PHACTR2: variants seen among roughly 807,000 people sequenced by gnomAD.
The protein encoded by PHACTR2 is chromosome 6 open reading frame 56.
In PHACTR2, 30 loss-of-function variants were observed where a neutral mutation model predicts 76.0. The ratio of observed to expected loss-of-function variants is 0.39; its 90% CI spans 0.30 to 0.54. PHACTR2 has a LOEUF of 0.54. Among genes scored for constraint, PHACTR2 ranks in the 20% least tolerant of loss-of-function variants. The pLI, the probability that PHACTR2 is intolerant of heterozygous loss-of-function variation, is 0.61. For missense variants in PHACTR2, 696 were observed against 781.1 expected, an observed-to-expected ratio of 0.89 and a Z score of 1.30; for synonymous variants, 292 against 292.5, an observed-to-expected ratio of 1.00 and a Z score of 0.02.
chr6:143,776,549 T>C lies in PHACTR2; in HGVS notation c.1590-779T>C, dbSNP rs1192182971. ...TCCGTAGTCAGGTACCTAGCTAACATCCAGGCCGATCTGTTGCTAGAAGGA... is the reference window on the plus strand; with the variant it reads ...TCCGTAGTCAGGTACCTAGCTAACACCCAGGCCGATCTGTTGCTAGAAGGA... On this transcript the variant is annotated intron_variant, in intron 8 of 12. Transcript: ENST00000440869. This position sits in a 1 kb window ranked among gnomAD's most constrained non-coding sequence, Gnocchi z 5.3. Among the ~76,000 whole-genome samples, 7 of 152,264 alleles carry C rather than the reference T, an allele frequency of 4.6e-5. No individual in the cohort carries two copies. The highest frequency in any genetic ancestry group is 1.7e-4 in the African/African-American group (7 of 41,548).
At position 143,791,737 on chromosome 6, in the gene PHACTR2, T is replaced by C. The variant is rs966551109; in HGVS notation, c.1845+2827T>C. Among the ~76,000 whole-genome samples, 4 of 152,166 alleles carry C rather than the reference T, an allele frequency of 2.6e-5. No individual in the cohort carries two copies. Among genetic ancestry groups the C allele is most frequent in the African/African-American group, 4.8e-5 (2 of 41,426 alleles). ...TTATAATTCTGTTAATTTTGCTTCA[T>C]TTATTGTGAGGTGTATCATTAGATA... On this transcript the variant is annotated intron_variant, in intron 11 of 12. Transcript: ENST00000440869. The surrounding 1 kb of genome is among the most constrained non-coding windows in gnomAD (Gnocchi z 4.7).
rs1776404026 is a variant in PHACTR2, at chr6:143,633,766, G to A, written c.13+25444G>A. Among the ~76,000 whole-genome samples, 1 of 152,068 alleles carries A rather than the reference G, an allele frequency of 6.6e-6. No homozygotes were observed. The highest frequency in any genetic ancestry group is 2.4e-5 in the African/African-American group (1 of 41,404). ...TCCTACGTTATCTTCTGGGAATTCT[G>A]TAGTTTTGTACTTTATATTTAGATC... On this transcript the variant is annotated intron_variant, in intron 1 of 11. Coordinates refer to the PHACTR2 transcript ENST00000305766. This position sits in a 1 kb window ranked among gnomAD's most constrained non-coding sequence, Gnocchi z 4.1.
chr6:143,790,307 G>C (rs1775652602), intron 11 of PHACTR2, among the ~76,000 whole-genome samples: 1 of 152,092 alleles, frequency 6.6e-6, no homozygotes, highest in African/African-American at 2.4e-5. Flanking sequence ...TTTTTATGTG[G>C]TGAAGGGGTC....
intron 4 of PHACTR2, among the ~76,000 whole-genome samples, chr6:143,759,679 CAAA>C (rs796561358): frequency 1.5e-5 from 1 of 68,252 alleles, no homozygotes; most frequent in Non-Finnish European, 3.3e-5. Flanking sequence ...CACACACATA[CAAA>C]AAAAAAAAAA....
chr6:143,590,976 G>A (rs1168412905), intron 1 of PHACTR2, among the ~76,000 whole-genome samples: 2 of 152,126 alleles, frequency 1.3e-5, no homozygotes, highest in Admixed American at 1.3e-4. Flanking sequence ...CCACTACCAT[G>A]AAAACTCGAC....
rs1393744326 is a variant in PHACTR2 at position 143,809,590 on chromosome 6, T to A, written c.1922+2457T>A. 3.9e-5 allele frequency among the ~76,000 whole-genome samples: 6 copies of A among 152,260 alleles called. No individual in the cohort carries two copies. In the East Asian group the frequency reaches 7.7e-4, roughly 20 times the overall value. On this transcript the variant is annotated intron_variant, in intron 12 of 12. Coordinates refer to ENST00000440869, the MANE Select transcript of PHACTR2 (RefSeq NM_001100164.2). This position sits in a 1 kb window ranked among gnomAD's most constrained non-coding sequence, Gnocchi z 4.2. ...TCAAGCAATACAAAATTCTATTAAGTATAAATGAAAAACCTTCACTCCTTT... is the reference window on the plus strand; with the variant it reads ...TCAAGCAATACAAAATTCTATTAAGAATAAATGAAAAACCTTCACTCCTTT...
rs988287956 is a variant in PHACTR2, at chr6:143,642,972, G to T, written c.13+34650G>T. On this transcript the variant is annotated intron_variant, in intron 1 of 11. Coordinates refer to the PHACTR2 transcript ENST00000305766. ...TAGTTTGGCTATTCCCTATTAATTT[G>T]CTTGGAAGTTGTTCATGAGTACTAA... 6.6e-5 allele frequency among the ~76,000 whole-genome samples: 10 copies of T among 152,094 alleles called. No homozygotes were observed. In the East Asian group the frequency reaches 1.9e-3, roughly 29 times the overall value.
chr6:143,604,697 C>G (rs1389443460), upstream of PHACTR2, among the ~76,000 whole-genome samples: 1 of 152,018 alleles, frequency 6.6e-6, no homozygotes, highest in African/African-American at 2.4e-5. Flanking sequence ...GCCTGATCAA[C>G]ATGGTGAAAC....
rs1344694575 is a variant in PHACTR2 at position 143,698,879 on chromosome 6, T to G, written c.47-13137T>G. 6.6e-6 allele frequency among the ~76,000 whole-genome samples: 1 copy of G among 152,206 alleles called. No individual in the cohort carries two copies. The highest frequency in any genetic ancestry group is 2.1e-4 in the South Asian group (1 of 4,830). On this transcript the variant is annotated intron_variant, in intron 1 of 12. Transcript: ENST00000440869. The surrounding 1 kb of genome is among the most constrained non-coding windows in gnomAD (Gnocchi z 4.3). ...CAGCCTCATTATTTTTGCAGATATCTCCTTCCTCCTCTCCCTTGGATTGTC... is the reference window on the plus strand; with the variant it reads ...CAGCCTCATTATTTTTGCAGATATCGCCTTCCTCCTCTCCCTTGGATTGTC...
intron 1 of PHACTR2, among the ~76,000 whole-genome samples, chr6:143,560,568 G>C (rs926537247): frequency 6.6e-6 from 1 of 152,210 alleles, no homozygotes; most frequent in African/African-American, 2.4e-5. Context: ...TAGTTGCTGT[G>C]TCTGGGTGCT....
intron 1 of PHACTR2, among the ~76,000 whole-genome samples, chr6:143,655,008 T>G (rs1776824056): frequency 6.6e-6 from 1 of 151,664 alleles, no homozygotes; most frequent in South Asian, 2.1e-4. Flanking sequence ...AAATAAAAAA[T>G]TAGCCGGGTG....
rs1357322774 is a variant in PHACTR2, at chr6:143,809,897, A to G, written c.1922+2764A>G. On this transcript the variant is annotated intron_variant, in intron 12 of 12. Coordinates refer to ENST00000440869, the MANE Select transcript of PHACTR2 (RefSeq NM_001100164.2). The surrounding 1 kb of genome is among the most constrained non-coding windows in gnomAD (Gnocchi z 4.2). ...GAGGCCGAGGTGGGCAGATCTTTTG[A>G]GCTCAGGAGTTCGAGACCAGCCTGG... is the stretch of plus-strand genomic sequence containing the variant. Among the ~76,000 whole-genome samples the G allele has an allele frequency of 1.3e-5, 2 of 152,022 alleles. No individual in the cohort carries two copies. The highest frequency in any genetic ancestry group is 2.9e-5 in the Non-Finnish European group (2 of 68,014).
chr6:143,585,345 A>C lies in PHACTR2; in HGVS notation c.217+48138A>C, dbSNP rs912686559. 1.3e-5 allele frequency among the ~76,000 whole-genome samples: 2 copies of C among 152,236 alleles called. No homozygotes were observed. Among genetic ancestry groups the C allele is most frequent in the African/African-American group, 2.4e-5 (1 of 41,470 alleles). On this transcript the variant is annotated intron_variant, in intron 1 of 11. Transcript: ENST00000367584. The surrounding 1 kb of genome is among the most constrained non-coding windows in gnomAD (Gnocchi z 5.2). Reference sequence around the variant, plus strand: ...TTCCAGCTACCAGGAAGAGGCTGGAAGCAGAATTCCAGTCTTCAGGGAAAG... The same window carrying C: ...TTCCAGCTACCAGGAAGAGGCTGGACGCAGAATTCCAGTCTTCAGGGAAAG...
At chr6:143,717,595 G>T (rs1778332435) in intron 2 of PHACTR2, among the ~76,000 whole-genome samples, 1 of 151,636 alleles carries the variant, frequency 6.6e-6, no homozygotes, top group African/African-American at 2.4e-5. Context: ...TGGGGGAAGG[G>T]GGTCTCATTC....
At chr6:143,721,389 A>G (rs974847025) in intron 2 of PHACTR2, among the ~76,000 whole-genome samples, 4 of 152,200 alleles carry the variant, frequency 2.6e-5, no homozygotes, top group Non-Finnish European at 2.9e-5. Flanking sequence ...GCCAAACACT[A>G]TTTATTGTTA....
chr6:143,705,150 G>T (rs1189233119), intron 1 of PHACTR2, among the ~76,000 whole-genome samples: 3 of 151,268 alleles, frequency 2.0e-5, no homozygotes, highest in Non-Finnish European at 4.4e-5. Flanking sequence ...GACAAGTCTC[G>T]CTCTGTAGCC....
chr6:143,667,774 G>C lies in PHACTR2; in HGVS notation c.14-44242G>C, dbSNP rs191499261. Among the ~76,000 whole-genome samples, 235 of 152,258 alleles carry C rather than the reference G, an allele frequency of 1.5e-3. 3 individuals are homozygous for C. The East Asian group carries it at 0.024, about 15-fold the overall frequency. ...TGCTTATCAGCTTAAGGAGATTTTG[G>C]GCTGAGACGATGGAGTTTTCTAAAT... is the stretch of plus-strand genomic sequence containing the variant. On this transcript the variant is annotated intron_variant, in intron 1 of 11. Coordinates refer to the PHACTR2 transcript ENST00000305766.
rs1454618393 is a variant in PHACTR2 at position 143,641,321 on chromosome 6, C to T, written c.13+32999C>T. ...CCATAGCAGCATGTGAAGATGGAGG[C>T]AGAGATTGGAATGGTATAGCCATAA... On this transcript the variant is annotated intron_variant, in intron 1 of 11. Coordinates refer to the PHACTR2 transcript ENST00000305766. This position sits in a 1 kb window ranked among gnomAD's most constrained non-coding sequence, Gnocchi z 5.8. Among the ~76,000 whole-genome samples the T allele has an allele frequency of 6.6e-6, 1 of 152,064 alleles. No homozygotes were observed. Among genetic ancestry groups the T allele is most frequent in the Non-Finnish European group, 1.5e-5 (1 of 68,018 alleles).
Position 143,641,706 on chromosome 6 carries a change from A to G in PHACTR2, c.13+33384A>G, listed in dbSNP as rs2096180. Among the ~76,000 whole-genome samples the G allele has an allele frequency of 1.3e-5, 2 of 151,814 alleles. No homozygotes were observed. The highest frequency in any genetic ancestry group is 2.1e-4 in the South Asian group (1 of 4,808). ...TTTTGAATAGAGACGGGGTTTCTCCATGTTGGTCAGGCTGGTCTTGAACTC... is the reference window on the plus strand; with the variant it reads ...TTTTGAATAGAGACGGGGTTTCTCCGTGTTGGTCAGGCTGGTCTTGAACTC... On this transcript the variant is annotated intron_variant, in intron 1 of 11. Transcript: ENST00000305766. This position sits in a 1 kb window ranked among gnomAD's most constrained non-coding sequence, Gnocchi z 5.8.
Sources: allele counts gnomAD v4.1 joint callset (sites outside exome capture counted in the v4.1 genomes callset), GRCh38; gene constraint gnomAD v4.1.1; non-coding constraint Gnocchi (gnomAD v3.1); transcripts MANE v1.5; gene names NCBI Gene and HGNC (gene_info 2026-07-23, HGNC 2026-07-21).